Variants in UTRN observed in about 807,000 individuals in gnomAD.
UTRN encodes the protein utrophin.
Under a neutral mutation model 463.9 loss-of-function variants are expected in UTRN, and 283 were observed. The observed-to-expected ratio is 0.61, with a 90% CI of 0.55 to 0.67. The LOEUF is 0.67. Ranked by LOEUF, UTRN falls within the 30% of genes least tolerant of loss-of-function variation. UTRN has a pLI of 0.00. For missense variants in UTRN, 3,922 were observed against 4,084.3 expected, an observed-to-expected ratio of 0.96 and a Z score of 1.08; for synonymous variants, 1,442 against 1,431.5, an observed-to-expected ratio of 1.01 and a Z score of -0.17.
intron 2 of UTRN, among the ~76,000 whole-genome samples, chr6:144,337,291 C>T (rs1776812635): frequency 6.6e-6 from 1 of 152,134 alleles, no homozygotes; most frequent in Non-Finnish European, 1.5e-5. Flanking sequence ...CTATCTACTC[C>T]TTCTATCTCC....
chr6:144,706,130 G>A lies in UTRN; in HGVS notation c.7809+5887G>A, dbSNP rs11970600. 1.3e-3 allele frequency among the ~76,000 whole-genome samples: 204 copies of A among 151,440 alleles called. 2 individuals carry two copies. Among genetic ancestry groups the A allele is most frequent in the Admixed American group, 4.0e-3 (61 of 15,230 alleles). Reference sequence around the variant, plus strand: ...ATTTAATAGTTTTTGGCCAGTGTTCGAACATAAACCTAAGTCTCTAACTTA... The same window carrying A: ...ATTTAATAGTTTTTGGCCAGTGTTCAAACATAAACCTAAGTCTCTAACTTA... On this transcript the variant is annotated intron_variant, in intron 53 of 74. Transcript: ENST00000367545.
At chr6:144,791,865 G>T (rs1056710179) in intron 62 of UTRN, among the ~76,000 whole-genome samples, 5 of 152,172 alleles carry the variant, frequency 3.3e-5, no homozygotes, top group African/African-American at 1.2e-4. Context: ...TGCCTCAAAA[G>T]AGGAAAGTTG....
intron 54 of UTRN, among the ~76,000 whole-genome samples, chr6:144,740,594 C>T (rs951883401): frequency 2.0e-5 from 3 of 152,196 alleles, no homozygotes; most frequent in African/African-American, 7.2e-5. Flanking sequence ...ATGTTACTTT[C>T]TTTTCCGGTG....
chr6:144,406,381 A>G (rs1301355726), intron 3 of UTRN, among the ~76,000 whole-genome samples: 1 of 126,464 alleles, frequency 7.9e-6, no homozygotes, highest in Admixed American at 9.3e-5. Context: ...TTTTTTTGAG[A>G]CACAGTCTAG....
chr6:144,634,337 C>T (rs1010868166), intron 51 of UTRN, among the ~76,000 whole-genome samples: 1 of 152,158 alleles, frequency 6.6e-6, no homozygotes. Flanking sequence ...CACCTTGTGA[C>T]TGTCCGTCAG....
intron 51 of UTRN, among the ~76,000 whole-genome samples, chr6:144,663,069 A>G (rs1174466193): frequency 2.0e-5 from 3 of 152,136 alleles, no homozygotes; most frequent in Non-Finnish European, 4.4e-5. Context: ...TAGAACCAGA[A>G]AGGGCAAGGC....
At position 144,453,889 on chromosome 6, in the gene UTRN, TC is replaced by T. The variant is rs1189222816; in HGVS notation, c.2284+24del. ...GAAAAGGTAAGATCCTTGATTTTTT[TC>T]CCCTATATTTTTCAGATGGTGGCAT... On this transcript the variant is annotated intron_variant, in intron 19 of 74. Transcript: ENST00000367545. The T allele has an allele frequency of 2.5e-6, 4 of 1,604,686 alleles. No individual in the cohort carries two copies. In the South Asian group the frequency reaches 4.4e-5, roughly 18 times the overall value.
chr6:144,445,090 C>A (rs1390358933), intron 14 of UTRN, among the ~76,000 whole-genome samples: 1 of 152,132 alleles, frequency 6.6e-6, no homozygotes, highest in Non-Finnish European at 1.5e-5. Context: ...GTGGCTCACG[C>A]CTGTAATCCC....
chr6:144,362,989 T>C (rs1360831263), intron 2 of UTRN, among the ~76,000 whole-genome samples: 1 of 152,244 alleles, frequency 6.6e-6, no homozygotes, highest in African/African-American at 2.4e-5. Flanking sequence ...TTTGCTATTT[T>C]TTAAAAAAAT....
intron 2 of UTRN, among the ~76,000 whole-genome samples, chr6:144,316,248 T>C (rs1010670406): frequency 2.6e-5 from 4 of 152,186 alleles, no homozygotes; most frequent in Non-Finnish European, 5.9e-5. Context: ...GGTTCCTATT[T>C]GGATATGTGT....
chr6:144,521,770 A>G (rs1476381409), intron 39 of UTRN, among the ~76,000 whole-genome samples: 1 of 152,080 alleles, frequency 6.6e-6, no homozygotes, highest in African/African-American at 2.4e-5. Context: ...ATACTGTTTA[A>G]TATCATGCTG....
chr6:144,740,538 T>G (rs1217920321), intron 54 of UTRN, among the ~76,000 whole-genome samples: 1 of 152,204 alleles, frequency 6.6e-6, no homozygotes, highest in Non-Finnish European at 1.5e-5. Context: ...CAAGTCCAAA[T>G]TAGATTAGTA....
intron 14 of UTRN, among the ~76,000 whole-genome samples, 174 bp from the exon 15 acceptor site, chr6:144,447,037 G>C (rs1028923775): frequency 3.3e-5 from 5 of 152,198 alleles, no homozygotes; most frequent in Non-Finnish European, 7.3e-5. Context: ...ATATTTTAAA[G>C]AAAGGTATCT....
At chr6:144,338,342 A>G (rs1280819800) in intron 2 of UTRN, among the ~76,000 whole-genome samples, 2 of 152,212 alleles carry the variant, frequency 1.3e-5, no homozygotes, top group African/African-American at 2.4e-5. Flanking sequence ...GGGTTAAAAA[A>G]AAAACCCGAC....
At chr6:144,533,004 A>T in intron 42 of UTRN, 81 bp from the exon 43 acceptor site, 2 of 679,774 alleles carry the variant, frequency 2.9e-6, no homozygotes, top group Non-Finnish European at 4.9e-6. Context: ...TTAAATTGAT[A>T]CCACAATACT....
chr6:144,335,608 TACTGCATGGAACAGAGTAGGC>T (rs1484531663), intron 2 of UTRN, among the ~76,000 whole-genome samples: 5 of 152,226 alleles, frequency 3.3e-5, no homozygotes, highest in Admixed American at 6.5e-5. Flanking sequence ...TTCACTGCTG[TACTGCATGGAACAGAGTAGGC>T]ACTGCTTAAA....
At chr6:144,508,146 C>G (rs1292392277) in intron 34 of UTRN, among the ~76,000 whole-genome samples, 2 of 152,294 alleles carry the variant, frequency 1.3e-5, no homozygotes, top group African/African-American at 4.8e-5. Context: ...GCGAGAATTT[C>G]CAGCCGTTGG....
intron 50 of UTRN, among the ~76,000 whole-genome samples, chr6:144,565,671 T>C (rs1800338914): frequency 2.6e-5 from 4 of 152,178 alleles, no homozygotes; most frequent in Admixed American, 6.6e-5. Flanking sequence ...ATCTACTGGA[T>C]TGAATTGGGC....
chr6:144,644,084 G>A (rs1778053031), intron 51 of UTRN, among the ~76,000 whole-genome samples: 1 of 152,174 alleles, frequency 6.6e-6, no homozygotes, highest in Admixed American at 6.5e-5. Context: ...TAAGAGGCAT[G>A]AATCCACAAT....
Sources: allele counts gnomAD v4.1 joint callset (sites outside exome capture counted in the v4.1 genomes callset), GRCh38; gene constraint gnomAD v4.1.1; transcripts MANE v1.5; gene names NCBI Gene and HGNC (gene_info 2026-07-23, HGNC 2026-07-21).